SRBD1: variants seen among roughly 807,000 people sequenced by gnomAD.
SRBD1 encodes S1 RNA-binding domain-containing protein 1.
SRBD1 carries 88 observed loss-of-function variants against 115.3 expected under a neutral mutation model. The observed-to-expected ratio is 0.76, with a 90% CI of 0.64 to 0.91. The LOEUF (loss-of-function observed/expected upper bound fraction) is 0.91, where lower values mean the gene tolerates loss of function less well. Among genes scored for constraint, SRBD1 ranks in the 40% least tolerant of loss-of-function variants. The pLI is 0.00. For synonymous variants in SRBD1, 509 were observed against 407.7 expected (o/e 1.25, Z -2.99); for missense variants, 1,385 against 1,177.4 (o/e 1.18, Z -2.58).
intron 12 of SRBD1, among the ~76,000 whole-genome samples, chr2:45,550,628 A>G (rs1413439145): frequency 1.3e-5 from 2 of 152,140 alleles, no homozygotes; most frequent in African/African-American, 2.4e-5. Context: ...AACTAAGACA[A>G]TGTGACTCAT....
intron 16 of SRBD1, among the ~76,000 whole-genome samples, chr2:45,435,573 C>A (rs73925658): frequency 0.037 from 5,262 of 142,480 alleles, 330 homozygotes; most frequent in African/African-American, 0.12. Context: ...AAAAAAAAAA[C>A]AAAAAAAAAA....
chr2:45,505,402 T>C (rs983788699), intron 14 of SRBD1, among the ~76,000 whole-genome samples: 5 of 152,040 alleles, frequency 3.3e-5, no homozygotes, highest in Non-Finnish European at 5.9e-5. Flanking sequence ...GATGCCACTA[T>C]CAGAACAAAG....
chr2:45,503,507 T>C (rs1670701654), intron 14 of SRBD1, among the ~76,000 whole-genome samples: 2 of 152,208 alleles, frequency 1.3e-5, no homozygotes, highest in South Asian at 4.1e-4. Context: ...AAAATACATT[T>C]GATTTATCTT....
chr2:45,556,968 AG>A (rs1483360036), intron 10 of SRBD1, among the ~76,000 whole-genome samples: 1 of 152,160 alleles, frequency 6.6e-6, no homozygotes, highest in African/African-American at 2.4e-5. Flanking sequence ...TCCAATGTCA[AG>A]AAAGACTTCC....
At chr2:45,546,882 G>A (rs748167783) in intron 13 of SRBD1, 43 bp from the exon 14 acceptor site, 4 of 1,567,896 alleles carry the variant, frequency 2.6e-6, no homozygotes, top group East Asian at 4.5e-5. Flanking sequence ...TTCAAGGCAT[G>A]CTTTGAAATC....
At chr2:45,438,469 C>T (rs910251021) in intron 16 of SRBD1, among the ~76,000 whole-genome samples, 1 of 152,102 alleles carries the variant, frequency 6.6e-6, no homozygotes, top group Non-Finnish European at 1.5e-5. Flanking sequence ...TTTAAAGTGG[C>T]TCCAGGACTT....
intron 10 of SRBD1, among the ~76,000 whole-genome samples, chr2:45,557,638 C>T (rs1336382921): frequency 4.6e-5 from 7 of 152,096 alleles, no homozygotes; most frequent in African/African-American, 1.7e-4. Context: ...CTCCTTTTTG[C>T]TCCTTACACC....
chr2:45,429,009 C>G (rs1284369582), intron 16 of SRBD1, among the ~76,000 whole-genome samples: 1 of 152,176 alleles, frequency 6.6e-6, no homozygotes. Context: ...TCAGAGAATA[C>G]TATAAACACC....
Position 45,399,641 on chromosome 2 carries a change from C to T in SRBD1, c.2514-6512G>A, listed in dbSNP as rs560588944. On this transcript the variant is annotated intron_variant, in intron 19 of 20. Transcript: ENST00000263736. ...CCTTTTACTTTCGGAGATTTTCATG[C>T]AGACAGATTTAGATCTCTGATAAAC... 2.6e-4 allele frequency among the ~76,000 whole-genome samples: 40 copies of T among 152,170 alleles called. No individual in the cohort carries two copies. The South Asian group carries it at 7.7e-3, about 29-fold the overall frequency.
intron 16 of SRBD1, among the ~76,000 whole-genome samples, chr2:45,465,822 C>T (rs1259766642): frequency 6.6e-6 from 1 of 152,118 alleles, no homozygotes; most frequent in African/African-American, 2.4e-5. Flanking sequence ...GCTACATTTT[C>T]TTGATTTTAA....
intron 15 of SRBD1, 33 bp downstream of exon 15, chr2:45,488,207 C>A: frequency 1.3e-6 from 2 of 1,582,508 alleles, no homozygotes; most frequent in South Asian, 2.2e-5. Context: ...ATATCAAAAT[C>A]ACATGTTTTT....
At chr2:45,414,596 C>G (rs1667718116) in intron 18 of SRBD1, among the ~76,000 whole-genome samples, 1 of 147,556 alleles carries the variant, frequency 6.8e-6, no homozygotes, top group Non-Finnish European at 1.5e-5. Flanking sequence ...TGTGTGTACA[C>G]ATAGTGTGTA....
At chr2:45,404,884 A>C (rs1667385200) in intron 19 of SRBD1, among the ~76,000 whole-genome samples, 1 of 152,164 alleles carries the variant, frequency 6.6e-6, no homozygotes, top group African/African-American at 2.4e-5. Flanking sequence ...TTCCTTGAAC[A>C]TGTCATGCCT....
chr2:45,441,343 A>G (rs1466205187), intron 16 of SRBD1, among the ~76,000 whole-genome samples: 1 of 152,192 alleles, frequency 6.6e-6, no homozygotes, highest in African/African-American at 2.4e-5. Flanking sequence ...TCTGCCTCCC[A>G]TACTGTTCCT....
chr2:45,412,093 G>T (rs148241920), intron 19 of SRBD1, among the ~76,000 whole-genome samples: 60 of 152,068 alleles, frequency 3.9e-4, no homozygotes, highest in Non-Finnish European at 7.4e-4. Flanking sequence ...GTGACAGAGA[G>T]ATCTTGTCTC....
intron 14 of SRBD1, among the ~76,000 whole-genome samples, chr2:45,496,865 T>C (rs1043568874): frequency 6.6e-6 from 1 of 152,188 alleles, no homozygotes; most frequent in South Asian, 2.1e-4. Flanking sequence ...AGATCTATTC[T>C]GGAGCAGCCT....
intron 14 of SRBD1, among the ~76,000 whole-genome samples, chr2:45,540,910 A>C (rs1407637898): frequency 6.6e-6 from 1 of 152,248 alleles, no homozygotes; most frequent in East Asian, 1.9e-4. Flanking sequence ...GATACAGAGA[A>C]ACTAGTGTTA....
intron 14 of SRBD1, among the ~76,000 whole-genome samples, chr2:45,540,027 G>T (rs184297610): frequency 6.6e-6 from 1 of 152,206 alleles, no homozygotes. Context: ...AGAACTTCTA[G>T]ATGAAAAATA....
rs760221542 is a variant in SRBD1 at position 45,413,149 on chromosome 2, A to G, written c.2478T>C (p.Thr826=). ...VLLKPNPLDQ[T]CIHPESYDIA... The stretch of plus-strand genomic sequence containing the variant: ...TGTCATATGATTCTGGATGAATACA[A>G]GTTTGGTCCAAAGGATTTGGCTTCA... Residue 826 remains threonine, a synonymous_variant, in exon 19 of 21, where the codon ACT becomes ACC. Transcript: ENST00000263736. The G allele has an allele frequency of 1.5e-5, 25 of 1,613,934 alleles. No homozygotes were observed. The highest frequency in any genetic ancestry group is 2.1e-5 in the Non-Finnish European group (25 of 1,179,976).
Sources: gnomAD v4.1 joint callset for allele counts (sites outside exome capture counted in the v4.1 genomes callset) on GRCh38, gnomAD v4.1.1 for gene constraint, MANE v1.5 for transcripts, NCBI Gene and HGNC (gene_info 2026-07-23, HGNC 2026-07-21) for gene names.